Variants in TMEM232 observed in about 807,000 individuals in gnomAD.
TMEM232 encodes the protein transmembrane protein 232.
A neutral mutation model predicts 78.8 loss-of-function variants in TMEM232; 80 were observed. The ratio of observed to expected loss-of-function variants is 1.01; its 90% confidence interval spans 0.85 to 1.22. The LOEUF (loss-of-function observed/expected upper bound fraction) is 1.22, where lower values mean the gene tolerates loss of function less well. Ranked by LOEUF, TMEM232 falls within the 50% of genes most tolerant of loss-of-function variation. TMEM232 has a pLI of 0.00. For synonymous variants in TMEM232, 297 were observed against 254.3 expected (o/e 1.17, Z -1.60); for missense variants, 881 against 742.2 (o/e 1.19, Z -2.17).
At chr5:110,430,365 T>G (rs1757700507) in intron 12 of TMEM232, among the ~76,000 whole-genome samples, 2 of 151,590 alleles carry the variant, frequency 1.3e-5, no homozygotes, top group African/African-American at 2.4e-5. Context: ...CCTTTTTTTT[T>G]TTGTTCTCAG....
chr5:110,662,721 C>T (rs1321960217), intron 2 of TMEM232, among the ~76,000 whole-genome samples: 1 of 151,982 alleles, frequency 6.6e-6, no homozygotes, highest in African/African-American at 2.4e-5. Flanking sequence ...AACTGTACTA[C>T]AGAAATAGTA....
intron 1 of TMEM232, among the ~76,000 whole-genome samples, chr5:110,724,712 A>G (rs1437715645): frequency 6.6e-6 from 1 of 152,232 alleles, no homozygotes; most frequent in Non-Finnish European, 1.5e-5. Flanking sequence ...AACTATTTTT[A>G]TTTATTCATT....
intron 2 of TMEM232, among the ~76,000 whole-genome samples, chr5:110,645,331 A>G (rs1787330306): frequency 1.3e-5 from 2 of 151,714 alleles, no homozygotes; most frequent in Non-Finnish European, 3.0e-5. Context: ...CATAAATAAA[A>G]TACTAGCAAA....
chr5:110,634,987 C>G (rs1415592147), intron 5 of TMEM232, among the ~76,000 whole-genome samples: 1 of 151,778 alleles, frequency 6.6e-6, no homozygotes, highest in Non-Finnish European at 1.5e-5. Flanking sequence ...CAAACATAAT[C>G]AAAAGTGAAA....
intron 12 of TMEM232, among the ~76,000 whole-genome samples, chr5:110,517,746 GC>G (rs1324364744): frequency 2.6e-5 from 4 of 152,206 alleles, no homozygotes; most frequent in Non-Finnish European, 5.9e-5. Context: ...AAATTTAATT[GC>G]TGGAGTCTGC....
intron 12 of TMEM232, among the ~76,000 whole-genome samples, chr5:110,507,237 C>A (rs59224876): frequency 0.044 from 6,683 of 152,100 alleles, 480 homozygotes; most frequent in African/African-American, 0.15. Context: ...CTTTTTAATT[C>A]TTTTGATATG....
chr5:110,585,209 C>A (rs1778666004), intron 10 of TMEM232, among the ~76,000 whole-genome samples: 1 of 152,046 alleles, frequency 6.6e-6, no homozygotes, highest in Non-Finnish European at 1.5e-5. Flanking sequence ...GGAACAGTTA[C>A]CAACCATACA....
chr5:110,732,750 T>A (rs555681659), intron 2 of TMEM232, among the ~76,000 whole-genome samples: 16 of 152,212 alleles, frequency 1.1e-4, no homozygotes, highest in Non-Finnish European at 2.2e-4. Context: ...TCTCTTCATG[T>A]TGCCAAATAT....
Position 110,400,209 on chromosome 5 carries a change from A to C in TMEM232, n.309-2355T>G, listed in dbSNP as rs533729341. ...GCTAAGTGAAAAATGCACAATTTAGAATCTAGCAGAACTAAAATTCTGACT... is the reference window on the plus strand; with the variant it reads ...GCTAAGTGAAAAATGCACAATTTAGCATCTAGCAGAACTAAAATTCTGACT... On this transcript the variant is annotated intron_variant and non_coding_transcript_variant, in intron 2 of 8. Coordinates refer to the TMEM232 transcript ENST00000507188. Among the ~76,000 whole-genome samples the C allele has an allele frequency of 8.5e-5, 13 of 152,286 alleles. 2 individuals are homozygous for C. The South Asian group carries it at 2.5e-3, about 29-fold the overall frequency.
intron 11 of TMEM232, among the ~76,000 whole-genome samples, chr5:110,535,022 C>T (rs1772111264): frequency 1.3e-5 from 2 of 152,082 alleles, no homozygotes; most frequent in Non-Finnish European, 2.9e-5. Context: ...TGAGAAACAT[C>T]ACCCATTATC....
At chr5:110,599,912 T>A (rs1780681829) in intron 10 of TMEM232, among the ~76,000 whole-genome samples, 1 of 152,104 alleles carries the variant, frequency 6.6e-6, no homozygotes, top group African/African-American at 2.4e-5. Flanking sequence ...ACCACATAAT[T>A]GGAAGTAAAA....
chr5:110,717,720 G>A (rs1797162743), intron 1 of TMEM232, among the ~76,000 whole-genome samples: 1 of 152,088 alleles, frequency 6.6e-6, no homozygotes, highest in Non-Finnish European at 1.5e-5. Context: ...CTGTTCTCAT[G>A]ATAATGAGGG....
At chr5:110,504,632 T>C (rs10079132) in intron 12 of TMEM232, among the ~76,000 whole-genome samples, 189 of 152,292 alleles carry the variant, frequency 1.2e-3, no homozygotes, top group African/African-American at 4.2e-3. Flanking sequence ...TCTGTTTCAA[T>C]TCGAGTCTGA....
chr5:110,481,052 T>G (rs954870474), intron 12 of TMEM232, among the ~76,000 whole-genome samples: 1 of 152,078 alleles, frequency 6.6e-6, no homozygotes, highest in African/African-American at 2.4e-5. Context: ...CTCATAATGA[T>G]TTGATAAACA....
chr5:110,677,821 G>T (rs1008134222), intron 1 of TMEM232, among the ~76,000 whole-genome samples: 5 of 151,970 alleles, frequency 3.3e-5, no homozygotes. Context: ...TTTCTTCTTT[G>T]ATTCCCATCA....
intron 12 of TMEM232, among the ~76,000 whole-genome samples, chr5:110,472,381 A>AT (rs1471294161): frequency 1.3e-5 from 2 of 152,016 alleles, no homozygotes; most frequent in East Asian, 3.9e-4. Flanking sequence ...AACACTGATT[A>AT]TAAAAATTGA....
chr5:110,643,934 A>T (rs1787095707), intron 2 of TMEM232, among the ~76,000 whole-genome samples: 1 of 152,030 alleles, frequency 6.6e-6, no homozygotes, highest in Admixed American at 6.6e-5. Context: ...TTAAATGGGC[A>T]GTTAAATAGC....
At chr5:110,519,936 T>A (rs964824903) in intron 12 of TMEM232, among the ~76,000 whole-genome samples, 2 of 150,718 alleles carry the variant, frequency 1.3e-5, no homozygotes, top group African/African-American at 4.9e-5. Flanking sequence ...CTCATGGAGA[T>A]GGAGAATAGA....
intron 12 of TMEM232, among the ~76,000 whole-genome samples, chr5:110,470,690 A>G (rs1762572411): frequency 6.6e-6 from 1 of 152,198 alleles, no homozygotes; most frequent in Admixed American, 6.5e-5. Flanking sequence ...AACCAGAGTC[A>G]GCACACCCTT....
Sources: gnomAD v4.1 joint callset for allele counts (sites outside exome capture counted in the v4.1 genomes callset) on GRCh38, gnomAD v4.1.1 for gene constraint, MANE v1.5 for transcripts, NCBI Gene and HGNC (gene_info 2026-07-23, HGNC 2026-07-21) for gene names.